The following MATN2 variants were observed in gnomAD, a reference collection of about 807,000 sequenced individuals.
The protein encoded by MATN2 is matrilin-2.
In MATN2, 69 loss-of-function variants were observed where a neutral mutation model predicts 103.2. That is an observed-to-expected ratio of 0.67 (90% CI 0.55 to 0.82). The LOEUF (loss-of-function observed/expected upper bound fraction) is 0.82. Among genes scored for constraint, MATN2 ranks in the 40% least tolerant of loss-of-function variants. The probability of loss-of-function intolerance (pLI) is 0.00; values close to 1 mark genes in which losing one functional copy is unlikely to be tolerated. For missense variants in MATN2, 1,023 were observed against 1,211.5 expected, an observed-to-expected ratio of 0.84 and a Z score of 2.31; for synonymous variants, 429 against 450.2, an observed-to-expected ratio of 0.95 and a Z score of 0.60.
intron 2 of MATN2, among the ~76,000 whole-genome samples, chr8:97,928,954 A>T (rs1043051246): frequency 2.6e-5 from 4 of 152,192 alleles, no homozygotes; most frequent in Admixed American, 2.6e-4. Flanking sequence ...CTGAAAATCA[A>T]ATCACACCAA....
intron 14 of MATN2, among the ~76,000 whole-genome samples, chr8:98,028,962 C>G (rs947446964): frequency 2.6e-5 from 4 of 152,124 alleles, no homozygotes; most frequent in African/African-American, 9.7e-5. Flanking sequence ...AAGGTATGCA[C>G]AGATCAAGGC....
intron 4 of MATN2, among the ~76,000 whole-genome samples, chr8:97,945,139 A>T (rs955072616): frequency 1.3e-5 from 2 of 152,176 alleles, no homozygotes; most frequent in African/African-American, 2.4e-5. Context: ...CAACCAGGGT[A>T]ATTGCAACCA....
intron 7 of MATN2, among the ~76,000 whole-genome samples, chr8:97,998,253 G>T (rs1812656431): frequency 6.7e-6 from 1 of 150,246 alleles, no homozygotes; most frequent in Non-Finnish European, 1.5e-5. Flanking sequence ...GGGCGCGGTG[G>T]CTCACGCCTG....
Position 97,931,550 on chromosome 8 carries a change from T to C in MATN2, c.712+28T>C. On this transcript the variant is annotated intron_variant, in intron 3 of 18. Coordinates refer to ENST00000254898, the MANE Select transcript of MATN2 (RefSeq NM_002380.5). This position sits in a 1 kb window ranked among gnomAD's most constrained non-coding sequence, Gnocchi z 4.1. ...AAGTCCTGCTCCTTTGTCACTCTTC[T>C]AGAGGAACCACTAGAATTCATTCAT... The C allele has an allele frequency of 6.5e-7, 1 of 1,547,858 alleles. No homozygotes were observed. Among genetic ancestry groups the C allele is most frequent in the Non-Finnish European group, 8.7e-7 (1 of 1,146,834 alleles).
chr8:98,035,793 A>G lies in MATN2; in HGVS notation c.*81A>G. Reference sequence around the variant, plus strand: ...AGTGCAGAGCCCCAAAGCTCAGGCTATTGTTAAATCAATAATGTTGTGAAG... The same window carrying G: ...AGTGCAGAGCCCCAAAGCTCAGGCTGTTGTTAAATCAATAATGTTGTGAAG... On this transcript the variant is annotated 3_prime_UTR_variant, in exon 19 of 19. Coordinates refer to ENST00000254898, the MANE Select transcript of MATN2 (RefSeq NM_002380.5). The G allele has an allele frequency of 1.2e-6, 1 of 817,556 alleles. No individual in the cohort carries two copies. The highest frequency in any genetic ancestry group is 2.2e-5 in the South Asian group (1 of 45,178). The allele number at this position is 817,556 out of a possible 1,614,324, so 50.6% of individuals were successfully genotyped here. A position where few individuals can be genotyped will look rare whatever the true frequency, so the allele number is the denominator to read the frequency against.
intron 4 of MATN2, among the ~76,000 whole-genome samples, chr8:97,957,039 A>C (rs2130245182): frequency 6.6e-6 from 1 of 152,358 alleles, no homozygotes; most frequent in South Asian, 2.1e-4. Context: ...AGCCGTGATC[A>C]AGTCCTTCCA....
chr8:97,893,639 G>T (rs1028815249), intron 2 of MATN2, among the ~76,000 whole-genome samples: 3 of 151,020 alleles, frequency 2.0e-5, no homozygotes, highest in Non-Finnish European at 3.0e-5. Flanking sequence ...TGCAGTGGTG[G>T]GATCTCGGCT....
In MATN2 at chr8:97,901,126, C is replaced by T. The variant is rs371805635; in HGVS notation, c.142+12884C>T. Among the ~76,000 whole-genome samples, 137 of 152,156 alleles carry T rather than the reference C, an allele frequency of 9.0e-4. No homozygotes were observed. The Middle Eastern group carries it at 0.014, about 15-fold the overall frequency. ...CCCATGTGATTGTCCCACCACTGAC[C>T]GAAGCAGGCCTCTCCATTCTCCTCT... is the stretch of plus-strand genomic sequence containing the variant. On this transcript the variant is annotated intron_variant, in intron 2 of 18. Transcript: ENST00000254898.
chr8:97,963,208 T>C (rs1187216018), intron 5 of MATN2, among the ~76,000 whole-genome samples: 1 of 152,236 alleles, frequency 6.6e-6, no homozygotes, highest in Non-Finnish European at 1.5e-5. Context: ...TATTTTGTTT[T>C]ACAACCTGCT....
At chr8:98,018,842 C>T (rs949538080) in intron 12 of MATN2, among the ~76,000 whole-genome samples, 1 of 151,998 alleles carries the variant, frequency 6.6e-6, no homozygotes, top group Non-Finnish European at 1.5e-5. Context: ...TTCAAGATGA[C>T]ATTTGGGTGG....
chr8:97,963,766 G>T (rs1401595294), intron 5 of MATN2, among the ~76,000 whole-genome samples: 2 of 152,138 alleles, frequency 1.3e-5, no homozygotes, highest in Non-Finnish European at 2.9e-5. Flanking sequence ...GATGATCCTA[G>T]CATCACCAGC....
chr8:97,932,731 C>T (rs2130149531), intron 3 of MATN2, among the ~76,000 whole-genome samples: 1 of 152,334 alleles, frequency 6.6e-6, no homozygotes, highest in Admixed American at 6.5e-5. Context: ...AAACTCGCAT[C>T]CTGATTTGGT....
At chr8:97,932,210 T>A (rs1469552487) in intron 3 of MATN2, among the ~76,000 whole-genome samples, 1 of 152,136 alleles carries the variant, frequency 6.6e-6, no homozygotes, top group Non-Finnish European at 1.5e-5. Context: ...CACATGGAGC[T>A]GCCCTGGAAT....
intron 10 of MATN2, among the ~76,000 whole-genome samples, chr8:98,010,670 C>A (rs1813129702): frequency 6.6e-6 from 1 of 152,198 alleles, no homozygotes; most frequent in African/African-American, 2.4e-5. Context: ...CAGGCCTGCT[C>A]TCCTTGGAGG....
In MATN2 at chr8:97,961,439, C is replaced by G. The variant is rs1010621568; in HGVS notation, c.867C>G (p.Asn289Lys). The change falls in exon 5 of 19, where the codon AAC (asparagine) becomes AAG (lysine). Residue 289 changes from asparagine (N) to lysine (K), a missense_variant. Coordinates refer to ENST00000254898, the MANE Select transcript of MATN2 (RefSeq NM_002380.5). ...ATCTGTGTGCCATGGAGGACCACAACTGTGAGCAGCTCTGTGTGAATGTGC... is the reference window on the plus strand; with the variant it reads ...ATCTGTGTGCCATGGAGGACCACAAGTGTGAGCAGCTCTGTGTGAATGTGC... ...IQDLCAMEDH[N>K]CEQLCVNVPG... The G allele has an allele frequency of 1.1e-5, 17 of 1,613,436 alleles. No homozygotes were observed. The highest frequency in any genetic ancestry group is 1.4e-5 in the Non-Finnish European group (16 of 1,179,600).
chr8:97,994,674 CA>C, intron 7 of MATN2, 72 bp downstream of exon 7: 1 of 1,502,702 alleles, frequency 6.7e-7, no homozygotes, highest in Non-Finnish European at 9.0e-7. Context: ...CCTTTCCGTG[CA>C]AATCTTAAGC....
intron 2 of MATN2, among the ~76,000 whole-genome samples, chr8:97,894,866 T>G (rs1270136830): frequency 6.6e-6 from 1 of 151,940 alleles, no homozygotes; most frequent in African/African-American, 2.4e-5. Flanking sequence ...TAGGTTGATA[T>G]TTATTAACCC....
At chr8:98,027,951 CT>C (rs1813873141) in intron 14 of MATN2, 122 bp downstream of exon 14, 2 of 967,018 alleles carry the variant, frequency 2.1e-6, no homozygotes, top group Non-Finnish European at 2.9e-6. Flanking sequence ...CTCCTGGCAA[CT>C]GCCATTATAC....
chr8:97,988,623 C>T (rs1812284968), intron 6 of MATN2, among the ~76,000 whole-genome samples: 1 of 152,062 alleles, frequency 6.6e-6, no homozygotes, highest in Admixed American at 6.6e-5. Flanking sequence ...GAGACTCTCT[C>T]CCCAGACCGA....
Sources: gnomAD v4.1 joint callset for allele counts (sites outside exome capture counted in the v4.1 genomes callset) on GRCh38, gnomAD v4.1.1 for gene constraint, Gnocchi (gnomAD v3.1) non-coding constraint, MANE v1.5 for transcripts, NCBI Gene and HGNC (gene_info 2026-07-23, HGNC 2026-07-21) for gene names.